ABCC2: variants seen among roughly 807,000 people sequenced by gnomAD.
The protein encoded by ABCC2 is ATP-binding cassette sub-family C member 2.
Under a neutral mutation model 173.4 loss-of-function variants are expected in ABCC2, and 157 were observed. That is an observed-to-expected ratio of 0.91 (90% CI 0.80 to 1.03). The LOEUF (loss-of-function observed/expected upper bound fraction) is 1.03, where lower values mean the gene tolerates loss of function less well. Among genes scored for constraint, ABCC2 ranks in the 50% least tolerant of loss-of-function variants. The pLI, the probability that ABCC2 is intolerant of heterozygous loss-of-function variation, is 0.00. For missense variants in ABCC2, 1,822 were observed against 1,852.3 expected (o/e 0.98, Z 0.30); for synonymous variants, 657 against 693.5 (o/e 0.95, Z 0.83).
intron 17 of ABCC2, 73 bp downstream of exon 17, chr10:99,817,557 A>T: frequency 6.6e-7 from 1 of 1,505,752 alleles, no homozygotes; most frequent in Non-Finnish European, 9.2e-7. Flanking sequence ...GTGGTGAAGA[A>T]CTACACAGGG....
At chr10:99,793,718 G>GT (rs1564670875) in intron 4 of ABCC2, 33 bp downstream of exon 4, 2 of 1,613,860 alleles carry the variant, frequency 1.2e-6, no homozygotes, top group East Asian at 4.5e-5. Context: ...ACATGAGGAG[G>GT]TACCATGGGG....
At chr10:99,838,127 G>C (rs2038857578) in intron 25 of ABCC2, among the ~76,000 whole-genome samples, 1 of 86,328 alleles carries the variant, frequency 1.2e-5, no homozygotes, top group Non-Finnish European at 2.5e-5. Context: ...CTCCCTCCCG[G>C]ACGGGGCGGC....
At chr10:99,842,708 T>G (rs920341900) in intron 26 of ABCC2, among the ~76,000 whole-genome samples, 8 of 152,194 alleles carry the variant, frequency 5.3e-5, no homozygotes, top group Non-Finnish European at 8.8e-5. Context: ...CAAAGAGATT[T>G]GCATAGTTAC....
At chr10:99,812,988 A>G (rs765707561) in intron 15 of ABCC2, 30 bp from the exon 16 acceptor site, 2 of 1,613,002 alleles carry the variant, frequency 1.2e-6, no homozygotes, top group African/African-American at 2.7e-5. Flanking sequence ...AACCCCTGCT[A>G]TCTCCTTCAA....
chr10:99,834,482 C>G lies in ABCC2; in HGVS notation c.3361C>G (p.Pro1121Ala), dbSNP rs770302197. 1.2e-6 allele frequency: 2 copies of G among 1,614,160 alleles called. No individual in the cohort carries two copies. The highest frequency in any genetic ancestry group is 1.7e-6 in the Non-Finnish European group (2 of 1,180,004). ...STLVMICMAT[P>A]VFTIIVIPLG... ...CCTTGTCATGATCTGCATGGCCACT[C>G]CTGTCTTCACCATCATCGTCATTCC... Residue 1121 changes from proline (P) to alanine (A), a missense_variant, in exon 24 of 32, where the codon CCT (proline) becomes GCT (alanine). Pro to Ala is a conservative substitution (Grantham distance 27, BLOSUM62 -1). Transcript: ENST00000647814.
chr10:99,842,072 T>C lies in ABCC2; in HGVS notation c.3720T>C (p.Phe1240=). The change falls in exon 26 of 32, where the codon TTT becomes TTC. Residue 1240 remains phenylalanine (F), a synonymous_variant. Coordinates refer to ENST00000647814, the MANE Select transcript of ABCC2 (RefSeq NM_000392.5). ...CCCTAAGTGGGGACACTGTTGGCTTTGTTCTGTCCAATGCACTCAATGTGA... is the reference window on the plus strand; with the variant it reads ...CCCTAAGTGGGGACACTGTTGGCTTCGTTCTGTCCAATGCACTCAATGTGA... The part of the protein sequence containing the change: ...RDTLSGDTVG[F]VLSNALNITQ... 3 of 1,614,220 alleles carry C rather than the reference T, an allele frequency of 1.9e-6. No homozygotes were observed. Among genetic ancestry groups the C allele is most frequent in the Non-Finnish European group, 2.5e-6 (3 of 1,180,032 alleles).
At chr10:99,789,713 A>AG (rs1262874883) in intron 2 of ABCC2, among the ~76,000 whole-genome samples, 1 of 148,188 alleles carries the variant, frequency 6.7e-6, no homozygotes, top group Non-Finnish European at 1.5e-5. Context: ...CCGTCTCAAA[A>AG]AAAAAAAAAA....
At chr10:99,796,268 G>A (rs2037909514) in intron 6 of ABCC2, among the ~76,000 whole-genome samples, 1 of 152,166 alleles carries the variant, frequency 6.6e-6, no homozygotes, top group Non-Finnish European at 1.5e-5. Context: ...ACTTTGGGAG[G>A]CAGAGGCAGG....
rs776473749 is a variant in ABCC2 at position 99,851,573 on chromosome 10, C to T, written c.4580C>T (p.Pro1527Leu). ...GAAGAACTGCTACAAATCCCTGGACCCTTTTACTTTATGGCTAAGGAAGCT... is the reference window on the plus strand; with the variant it reads ...GAAGAACTGCTACAAATCCCTGGACTCTTTTACTTTATGGCTAAGGAAGCT... ...SPEELLQIPGPFYFMAKEAGI... is the reference protein window; with the variant it reads ...SPEELLQIPGLFYFMAKEAGI... The change falls in exon 32 of 32, where the codon CCC (proline) becomes CTC (leucine). Residue 1527 changes from proline to leucine, a missense_variant. Transcript: ENST00000647814. 1 of 1,614,104 alleles carries T rather than the reference C, an allele frequency of 6.2e-7. No individual in the cohort carries two copies. Among genetic ancestry groups the T allele is most frequent in the South Asian group, 1.1e-5 (1 of 91,074 alleles).
At position 99,800,577 on chromosome 10, in the gene ABCC2, G is replaced by A. The variant is rs201946946; in HGVS notation, c.1209+14G>A. 5.1e-5 allele frequency: 82 copies of A among 1,613,858 alleles called. No homozygotes were observed. In the African/African-American group the frequency reaches 5.6e-4, roughly 11 times the overall value. The stretch of plus-strand genomic sequence containing the variant: ...GTATATAAGAAGGTAAGCAGAATAC[G>A]GCAGGTATCACCAAAGAAAATCCCC... On this transcript the variant is annotated intron_variant, in intron 9 of 31. Transcript: ENST00000647814.
rs148990051 is a variant in ABCC2, at chr10:99,801,231, T to C, written c.1209+668T>C. On this transcript the variant is annotated intron_variant, in intron 9 of 31. Transcript: ENST00000647814. ...GATACATTGTTTGTTGTTGTTGTTG[T>C]TTTGTTTTGTTTTGGTTGTTTTTGA... 6.5e-3 allele frequency among the ~76,000 whole-genome samples: 984 copies of C among 152,150 alleles called. 10 individuals carry two copies. Among genetic ancestry groups the C allele is most frequent in the African/African-American group, 0.023 (939 of 41,512 alleles).
chr10:99,851,605 G>A lies in ABCC2; in HGVS notation c.4612G>A (p.Glu1538Lys), dbSNP rs2133160036. The A allele has an allele frequency of 6.2e-7, 1 of 1,614,160 alleles. No individual in the cohort carries two copies. Among genetic ancestry groups the A allele is most frequent in the Admixed American group, 1.7e-5 (1 of 60,028 alleles). ...CTTTATGGCTAAGGAAGCTGGCATTGAGAATGTGAACAGCACAAAATTCTA... is the reference window on the plus strand; with the variant it reads ...CTTTATGGCTAAGGAAGCTGGCATTAAGAATGTGAACAGCACAAAATTCTA... ...FYFMAKEAGI[E>K]NVNSTKF The change falls in exon 32 of 32, where the codon GAG (glutamate) becomes AAG (lysine). Residue 1538 changes from glutamate to lysine, a missense_variant. By Grantham distance (56) the Glu-to-Lys change is moderately conservative. Transcript: ENST00000647814.
At chr10:99,799,852 T>C (rs2133000452) in intron 8 of ABCC2, among the ~76,000 whole-genome samples, 1 of 152,318 alleles carries the variant, frequency 6.6e-6, no homozygotes, top group East Asian at 1.9e-4. Context: ...TCATTATCCA[T>C]TCTCACAGCC....
At chr10:99,785,910 G>A (rs1211933468) in intron 2 of ABCC2, among the ~76,000 whole-genome samples, 1 of 151,954 alleles carries the variant, frequency 6.6e-6, no homozygotes, top group African/African-American at 2.4e-5. Context: ...AGGTTACCTG[G>A]AATCTTAAAG....
In ABCC2 at chr10:99,836,214, C is replaced by T. The variant is rs183923599; in HGVS notation, c.3538C>T (p.Gln1180Ter). 8 of 1,614,198 alleles carry T rather than the reference C, an allele frequency of 5.0e-6. 1 individual carries two copies. The Admixed American group carries it at 1.2e-4, about 24-fold the overall frequency. Residue 1180 changes from glutamine to a stop codon, truncating the protein, a stop_gained, in exon 25 of 32, where the codon CAG (glutamine) becomes TAG (stop). Transcript: ENST00000647814. LOFTEE classifies it high-confidence loss of function. ...AGTTATCCGTGCCTTTGAGCACCAG[C>T]AGCGATTTCTGAAACACAATGAGGT... ...LPVIRAFEHQ[Q>*]RFLKHNEVRI...
intron 17 of ABCC2, 119 bp downstream of exon 17, chr10:99,817,603 G>A (rs2133075701): frequency 9.1e-7 from 1 of 1,096,274 alleles, no homozygotes; most frequent in East Asian, 2.5e-5. Context: ...GTCATATTTG[G>A]AATAAACACC....
intron 4 of ABCC2, 26 bp downstream of exon 4, chr10:99,793,711 T>C (rs753644018): frequency 5.0e-6 from 8 of 1,613,928 alleles, no homozygotes; most frequent in Middle Eastern, 1.6e-4. Context: ...GTGGATGACA[T>C]GAGGAGGTAC....
At chr10:99,822,561 A>G (rs552163501) in intron 19 of ABCC2, among the ~76,000 whole-genome samples, 2 of 151,034 alleles carry the variant, frequency 1.3e-5, no homozygotes, top group Admixed American at 6.6e-5. Context: ...CCTCTCCCCC[A>G]CGTTATCACC....
Position 99,845,750 on chromosome 10 carries a change from G to T in ABCC2, c.4114G>T (p.Asp1372Tyr). The stretch of plus-strand genomic sequence containing the variant: ...AGATATTGCTTCCATTGGGCTCCAC[G>T]ACCTCCGAGAGAAGCTGACCATCAT... ...GVDIASIGLH[D>Y]LREKLTIIPQ... The change falls in exon 29 of 32, where the codon GAC (aspartate) becomes TAC (tyrosine). Residue 1372 changes from aspartate (D) to tyrosine (Y), a missense_variant. Physicochemically the swap from Asp to Tyr is radical, Grantham distance 160. Transcript: ENST00000647814. 1.9e-6 allele frequency: 3 copies of T among 1,613,174 alleles called. No individual in the cohort carries two copies. The highest frequency in any genetic ancestry group is 2.5e-6 in the Non-Finnish European group (3 of 1,179,808).
Sources: allele counts gnomAD v4.1 joint callset (sites outside exome capture counted in the v4.1 genomes callset), GRCh38; gene constraint gnomAD v4.1.1; transcripts MANE v1.5; gene names NCBI Gene and HGNC (gene_info 2026-07-23, HGNC 2026-07-21).